Variants in TRAK1 observed in about 807,000 individuals in gnomAD.
TRAK1 encodes trafficking kinesin-binding protein 1.
Under a neutral mutation model 92.1 loss-of-function variants are expected in TRAK1, and 33 were observed. The observed-to-expected ratio is 0.36, with a 90% confidence interval of 0.27 to 0.48. TRAK1 has a LOEUF of 0.48. Among genes scored for constraint, TRAK1 ranks in the 20% least tolerant of loss-of-function variants. The pLI is 0.99. For missense variants in TRAK1, 1,123 were observed against 1,257.9 expected (o/e 0.89, Z 1.62); for synonymous variants, 521 against 517.3 (o/e 1.01, Z -0.10).
chr3:42,038,148 T>C (rs139428690), intron 1 of TRAK1, among the ~76,000 whole-genome samples: 1 of 152,318 alleles, frequency 6.6e-6, no homozygotes, highest in Non-Finnish European at 1.5e-5. Context: ...AGTTGCCTTC[T>C]CTAATGCAGG....
In TRAK1 at chr3:42,209,860, G is replaced by A. The variant is rs758216872; in HGVS notation, c.1838G>A (p.Arg613Gln). The A allele has an allele frequency of 4.2e-5, 67 of 1,614,082 alleles. No individual in the cohort carries two copies. The highest frequency in any genetic ancestry group is 5.2e-5 in the Non-Finnish European group (61 of 1,180,042). Residue 613 changes from arginine (R) to glutamine (Q), a missense_variant, in exon 14 of 16, where the codon CGG becomes CAG. Around this residue, in one of 3 missense-constraint regions of TRAK1, gnomAD observed 36 missense variants for 71.3 expected, o/e 0.50. Coordinates refer to ENST00000327628, the MANE Select transcript of TRAK1 (RefSeq NM_001042646.3). ...CCCGGTGTGGTCACCAAGGGCTTCC[G>A]GACGCTGGATGTTGACCTGGACGAA... ...PRPGVVTKGF[R>Q]TLDVDLDEVY...
At chr3:42,045,016 TGTG>T (rs1028801152) in intron 1 of TRAK1, among the ~76,000 whole-genome samples, 4 of 152,278 alleles carry the variant, frequency 2.6e-5, no homozygotes, top group East Asian at 1.9e-4. Context: ...AATTTTGAAA[TGTG>T]GTGATTAAAA....
In TRAK1 at chr3:42,223,186, T is replaced by G; in HGVS notation, c.2311T>G (p.Tyr771Asp). ...RAGRGSLLHSYTPKMAVIPST... is the reference protein window; with the variant it reads ...RAGRGSLLHSDTPKMAVIPST... Reference sequence around the variant, plus strand: ...CGGCCGGGGCTCCCTCCTGCACTCCTACACGCCCAAGATGGCTGTGATCCC... The same window carrying G: ...CGGCCGGGGCTCCCTCCTGCACTCCGACACGCCCAAGATGGCTGTGATCCC... The change falls in exon 16 of 16, where the codon TAC becomes GAC. Residue 771 changes from tyrosine (Y) to aspartate (D), a missense_variant. Coordinates refer to ENST00000327628, the MANE Select transcript of TRAK1 (RefSeq NM_001042646.3). The surrounding 1 kb of genome is among the most constrained non-coding windows in gnomAD (Gnocchi z 6.1). 1 of 1,614,082 alleles carries G rather than the reference T, an allele frequency of 6.2e-7. No homozygotes were observed. Among genetic ancestry groups the G allele is most frequent in the Non-Finnish European group, 8.5e-7 (1 of 1,179,988 alleles).
At chr3:42,121,203 G>T (rs150868671) in intron 1 of TRAK1, among the ~76,000 whole-genome samples, 2 of 152,138 alleles carry the variant, frequency 1.3e-5, no homozygotes, top group African/African-American at 4.8e-5. Context: ...TTGCTGGGAC[G>T]GTGAGACAAT....
At chr3:42,150,061 T>C (rs1345819437) in intron 2 of TRAK1, among the ~76,000 whole-genome samples, 1 of 152,024 alleles carries the variant, frequency 6.6e-6, no homozygotes, top group Non-Finnish European at 1.5e-5. Flanking sequence ...TGCCCTTTTC[T>C]GAGCCCAGAC....
chr3:42,193,955 C>A, intron 9 of TRAK1, 57 bp downstream of exon 9: 2 of 1,490,924 alleles, frequency 1.3e-6, no homozygotes, highest in Non-Finnish European at 1.8e-6. Flanking sequence ...GGTGGATTAG[C>A]CTTCCCGGAC....
At chr3:42,105,526 A>G (rs1707410282) in intron 1 of TRAK1, among the ~76,000 whole-genome samples, 1 of 152,220 alleles carries the variant, frequency 6.6e-6, no homozygotes, top group African/African-American at 2.4e-5. Flanking sequence ...ATGTGAAAAG[A>G]CCAAATCTAC....
chr3:42,075,034 T>G (rs1207537227), intron 1 of TRAK1, among the ~76,000 whole-genome samples: 1 of 152,206 alleles, frequency 6.6e-6, no homozygotes, highest in African/African-American at 2.4e-5. Context: ...AGGACATTAT[T>G]TTGTTCTTTT....
At chr3:42,111,630 C>T (rs1166910936) in intron 1 of TRAK1, among the ~76,000 whole-genome samples, 1 of 152,122 alleles carries the variant, frequency 6.6e-6, no homozygotes, top group Non-Finnish European at 1.5e-5. Context: ...ATCCTGACCT[C>T]GTGATCCTCC....
intron 2 of TRAK1, among the ~76,000 whole-genome samples, chr3:42,145,313 C>T (rs1033669979): frequency 1.3e-5 from 2 of 152,026 alleles, no homozygotes; most frequent in African/African-American, 4.8e-5. Flanking sequence ...GGTGAGACCC[C>T]ATCTCTACTA....
At chr3:42,117,251 G>A (rs1327651706) in intron 1 of TRAK1, among the ~76,000 whole-genome samples, 3 of 152,162 alleles carry the variant, frequency 2.0e-5, no homozygotes, top group Non-Finnish European at 2.9e-5. Context: ...ATATGAACAT[G>A]TGATTTGCCA....
At chr3:42,024,980 C>T (rs188976491) in intron 1 of TRAK1, among the ~76,000 whole-genome samples, 65 of 152,280 alleles carry the variant, frequency 4.3e-4, no homozygotes, top group African/African-American at 1.5e-3. Flanking sequence ...TAGGCTTCCC[C>T]TTAGAAGCTG....
chr3:42,100,985 A>C (rs1166636657), intron 1 of TRAK1, among the ~76,000 whole-genome samples: 1 of 152,246 alleles, frequency 6.6e-6, no homozygotes, highest in Non-Finnish European at 1.5e-5. Context: ...CAGGACTTTA[A>C]ATTAGCTGTG....
intron 10 of TRAK1, among the ~76,000 whole-genome samples, chr3:42,196,482 C>T (rs1179996752): frequency 2.0e-5 from 3 of 151,544 alleles, no homozygotes; most frequent in Admixed American, 2.0e-4. Context: ...CTGCTTGTGA[C>T]TTTGTCATCA....
At chr3:42,095,802 A>G (rs1482815989) in intron 1 of TRAK1, among the ~76,000 whole-genome samples, 1 of 152,232 alleles carries the variant, frequency 6.6e-6, no homozygotes, top group Non-Finnish European at 1.5e-5. Flanking sequence ...CAAAATGAGT[A>G]TGTTGAAACC....
intron 2 of TRAK1, among the ~76,000 whole-genome samples, chr3:42,172,518 T>C (rs1010743819): frequency 2.0e-5 from 3 of 152,206 alleles, no homozygotes; most frequent in Non-Finnish European, 4.4e-5. Context: ...CCCTCCCCCA[T>C]TGCTGCACAC....
At chr3:42,165,350 G>A (rs1265878193) in intron 2 of TRAK1, among the ~76,000 whole-genome samples, 1 of 152,204 alleles carries the variant, frequency 6.6e-6, no homozygotes, top group African/African-American at 2.4e-5. Context: ...TGAAAAAAAT[G>A]CCAGTCAGTG....
chr3:42,204,659 A>G (rs572985245), intron 13 of TRAK1, among the ~76,000 whole-genome samples: 24 of 152,278 alleles, frequency 1.6e-4, no homozygotes, highest in African/African-American at 5.8e-4. Flanking sequence ...ATCATAGCTC[A>G]CTACATGCCT....
chr3:42,082,751 A>T (rs1029341484), upstream of TRAK1, among the ~76,000 whole-genome samples: 3 of 152,222 alleles, frequency 2.0e-5, no homozygotes, highest in Admixed American at 6.5e-5. Context: ...GTGAGAAAGT[A>T]TTTCCAACTT....
Sources: allele counts gnomAD v4.1 joint callset (sites outside exome capture counted in the v4.1 genomes callset), GRCh38; gene constraint gnomAD v4.1.1; regional missense constraint gnomAD v4.1.1; non-coding constraint Gnocchi (gnomAD v3.1); transcripts MANE v1.5; gene names NCBI Gene and HGNC (gene_info 2026-07-23, HGNC 2026-07-21).